SLC23A3: variants seen among roughly 807,000 people sequenced by gnomAD.
SLC23A3 encodes solute carrier family 23 member 3, also known as E2-binding protein 3.
SLC23A3 carries 41 observed loss-of-function variants against 64.7 expected under a neutral mutation model. The observed-to-expected ratio is 0.63, with a 90% confidence interval of 0.49 to 0.82. The LOEUF (loss-of-function observed/expected upper bound fraction) is 0.82. Among genes scored for constraint, SLC23A3 ranks in the 40% least tolerant of loss-of-function variants. The pLI, the probability that SLC23A3 is intolerant of heterozygous loss-of-function variation, is 0.00. For synonymous variants in SLC23A3, 281 were observed against 306.8 expected (o/e 0.92, Z 0.88); for missense variants, 647 against 733.4 (o/e 0.88, Z 1.36).
rs373646853 is a variant in SLC23A3, at chr2:219,168,729, G to A, written c.597C>T (p.Pro199=). ...CAGAGAGCCCTGCCACAACCAGGCT[G>A]GGAGCCAGCACCAGGGGCCCACAGT... ...FPHCGPLVLA[P]SLVVAGLSAH... Residue 199 remains proline, a synonymous_variant, in exon 5 of 12, where the codon CCC becomes CCT. Transcript: ENST00000409878. 101 of 1,613,784 alleles carry A rather than the reference G, an allele frequency of 6.3e-5. No homozygotes were observed. The highest frequency in any genetic ancestry group is 8.1e-5 in the Non-Finnish European group (95 of 1,179,832).
intron 7 of SLC23A3, among the ~76,000 whole-genome samples, chr2:219,166,472 C>T (rs1397411784): frequency 1.3e-5 from 2 of 151,978 alleles, no homozygotes; most frequent in Non-Finnish European, 2.9e-5. Context: ...GCTGGAATTT[C>T]AGGTGTGAGC....
At chr2:219,168,404 G>C (rs1950025534) in intron 5 of SLC23A3, 86 bp from the exon 6 acceptor site, 1 of 1,429,036 alleles carries the variant, frequency 7.0e-7, no homozygotes, top group Admixed American at 2.6e-5. Flanking sequence ...AATATCATAA[G>C]AGCGGGGGGT....
chr2:219,165,448 G>A lies in SLC23A3; in HGVS notation c.914-26C>T, dbSNP rs146161148. The stretch of plus-strand genomic sequence containing the variant: ...CTGGGGAGGGAGAAGAAGCCACTTT[G>A]GGGCCAGACTCAAGTCAGGAGTACC... On this transcript the variant is annotated intron_variant, in intron 7 of 11. Coordinates refer to ENST00000409878, the MANE Select transcript of SLC23A3 (RefSeq NM_001144889.2). The A allele has an allele frequency of 4.7e-4, 728 of 1,537,024 alleles. 2 individuals are homozygous for A. In the African/African-American group the frequency reaches 7.3e-3, roughly 15 times the overall value.
chr2:219,164,246 T>C lies in SLC23A3; in HGVS notation c.1260A>G (p.Pro420=). 6.2e-7 allele frequency: 1 copy of C among 1,607,456 alleles called. No individual in the cohort carries two copies. The highest frequency in any genetic ancestry group is 8.5e-7 in the Non-Finnish European group (1 of 1,176,612). Residue 420 remains proline (P), a synonymous_variant, in exon 9 of 12, where the codon CCA becomes CCG. Transcript: ENST00000409878. ...ACATCCACTCACCAACAACAGGCAG[T>C]GGGATGGTGGTGAGGAGCTGAGCCA... is the stretch of plus-strand genomic sequence containing the variant. The part of the protein sequence containing the change: ...PRLAQLLTTI[P]LPVVGGVLGV...
chr2:219,163,658 A>C, intron 9 of SLC23A3, 103 bp from the exon 10 acceptor site: 1 of 1,123,782 alleles, frequency 8.9e-7, no homozygotes, highest in Non-Finnish European at 1.3e-6. Context: ...AACAAATAAA[A>C]CCCAAGAGAA....
Position 219,168,300 on chromosome 2 carries a change from C to T in SLC23A3, c.693G>A (p.Val231=), listed in dbSNP as rs1456701014. Residue 231 remains valine (V), a synonymous_variant, in exon 6 of 12, where the codon GTG becomes GTA. Transcript: ENST00000409878. ...GLALLVILLM[V]VCSQHLGSCQ... ...AGGAGCCCAGGTGCTGAGAACAGAC[C>T]ACCATGAGCAGGATAACCCTAGGAG... 6.2e-7 allele frequency: 1 copy of T among 1,609,526 alleles called. No homozygotes were observed. Among genetic ancestry groups the T allele is most frequent in the Non-Finnish European group, 8.5e-7 (1 of 1,177,828 alleles).
intron 7 of SLC23A3, among the ~76,000 whole-genome samples, 166 bp downstream of exon 7, chr2:219,167,764 A>G (rs1950018207): frequency 6.6e-6 from 1 of 152,086 alleles, no homozygotes; most frequent in Non-Finnish European, 1.5e-5. Context: ...AAAAACACCT[A>G]CAGTGAGGGG....
intron 7 of SLC23A3, among the ~76,000 whole-genome samples, chr2:219,167,699 C>T (rs1950017472): frequency 6.6e-6 from 1 of 151,840 alleles, no homozygotes; most frequent in African/African-American, 2.4e-5. Context: ...CATGATCACG[C>T]CATGCACTCC....
At chr2:219,167,723 G>C (rs1360622775) in intron 7 of SLC23A3, among the ~76,000 whole-genome samples, 1 of 151,864 alleles carries the variant, frequency 6.6e-6, no homozygotes, top group Non-Finnish European at 1.5e-5. Flanking sequence ...CTGTATGACA[G>C]AGTGAGACCC....
intron 9 of SLC23A3, 139 bp from the exon 10 acceptor site, chr2:219,163,694 GT>G (rs972355416): frequency 2.1e-5 from 18 of 860,566 alleles, no homozygotes; most frequent in Non-Finnish European, 2.7e-5. Context: ...TTGTTTTTTT[GT>G]TTTTTTGGTT....
In SLC23A3 at chr2:219,169,303, G is replaced by A; in HGVS notation, c.418+6C>T. On this transcript the variant is annotated splice_donor_region_variant and intron_variant, in intron 3 of 11. Coordinates refer to ENST00000409878, the MANE Select transcript of SLC23A3 (RefSeq NM_001144889.2). The surrounding 1 kb of genome is among the most constrained non-coding windows in gnomAD (Gnocchi z 4.5). ...CCCTTACCCCTTGCCCTTGCTCTGT[G>A]CTCACAGTTTCCAGGTGTCTGGATG... The A allele has an allele frequency of 6.2e-7, 1 of 1,614,200 alleles. No individual in the cohort carries two copies. The highest frequency in any genetic ancestry group is 8.5e-7 in the Non-Finnish European group (1 of 1,180,044).
chr2:219,163,277 T>A, intron 10 of SLC23A3, 111 bp downstream of exon 10: 1 of 1,028,144 alleles, frequency 9.7e-7, no homozygotes, highest in Non-Finnish European at 1.5e-6. Context: ...AACAAATGGA[T>A]GAAGTATTTA....
intron 7 of SLC23A3, among the ~76,000 whole-genome samples, chr2:219,166,962 A>G (rs1220329479): frequency 6.6e-6 from 1 of 152,214 alleles, no homozygotes. Flanking sequence ...AGCTCCCTGA[A>G]GGCAAGTACT....
At chr2:219,164,723 C>A (rs1174553454) in intron 8 of SLC23A3, 1 of 238,038 alleles carries the variant, frequency 4.2e-6, no homozygotes, top group African/African-American at 2.3e-5. Context: ...CCATGCCCAG[C>A]TAATTTTTGT....
intron 10 of SLC23A3, among the ~76,000 whole-genome samples, chr2:219,162,804 A>G (rs1346804045): frequency 6.6e-6 from 1 of 152,166 alleles, no homozygotes; most frequent in Non-Finnish European, 1.5e-5. Flanking sequence ...TGTCCTGTAC[A>G]GTGTAGGATG....
rs748611000 is a variant in SLC23A3 at position 219,168,601 on chromosome 2, C to G, written c.674+51G>C. 5.1e-6 allele frequency: 8 copies of G among 1,566,510 alleles called. No individual in the cohort carries two copies. In the Middle Eastern group the frequency reaches 5.9e-4, roughly 116 times the overall value. On this transcript the variant is annotated intron_variant, in intron 5 of 11. Coordinates refer to ENST00000409878, the MANE Select transcript of SLC23A3 (RefSeq NM_001144889.2). ...CAGCAGTTCTGCCCTCCCCTAGTCCCCCCATACACCCCCACTGGGCACCAT... is the reference window on the plus strand; with the variant it reads ...CAGCAGTTCTGCCCTCCCCTAGTCCGCCCATACACCCCCACTGGGCACCAT...
At chr2:219,166,385 C>T (rs951147341) in intron 7 of SLC23A3, among the ~76,000 whole-genome samples, 5 of 151,944 alleles carry the variant, frequency 3.3e-5, no homozygotes, top group Non-Finnish European at 7.4e-5. Flanking sequence ...TTAATAGAGA[C>T]GAGGTCTCAC....
chr2:219,162,405 T>C lies in SLC23A3; in HGVS notation c.1442-11A>G, dbSNP rs1014555068. On this transcript the variant is annotated splice_polypyrimidine_tract_variant and intron_variant, in intron 10 of 11. Transcript: ENST00000409878. ...CCAAGGGGCTCCAGCCTATGAAGAG[T>C]TGGGGCCAGGCAGGAAGGGAACTCT... The C allele has an allele frequency of 2.5e-6, 4 of 1,606,690 alleles. No homozygotes were observed. Among genetic ancestry groups the C allele is most frequent in the Non-Finnish European group, 3.4e-6 (4 of 1,174,114 alleles).
Position 219,168,561 on chromosome 2 carries a change from T to C in SLC23A3, c.674+91A>G, listed in dbSNP as rs547972380. ...AATATGTCCCTATTCCAGTCGCTGC[T>C]GAATCTGATAGGACCAGCAGTTCTG... is the stretch of plus-strand genomic sequence containing the variant. On this transcript the variant is annotated intron_variant, in intron 5 of 11. Transcript: ENST00000409878. 7 of 1,328,760 alleles carry C rather than the reference T, an allele frequency of 5.3e-6. No individual in the cohort carries two copies. In the African/African-American group the frequency reaches 8.9e-5, roughly 17 times the overall value. The allele number at this position is 1,328,760 out of a possible 1,614,324, so 82.3% of individuals were successfully genotyped here.
Sources: allele counts gnomAD v4.1 joint callset (sites outside exome capture counted in the v4.1 genomes callset), GRCh38; gene constraint gnomAD v4.1.1; non-coding constraint Gnocchi (gnomAD v3.1); transcripts MANE v1.5; gene names NCBI Gene and HGNC (gene_info 2026-07-23, HGNC 2026-07-21).